Variants in WNT4 observed in about 807,000 individuals in gnomAD.
WNT4 encodes the protein Wnt family member 4, also known as protein Wnt-4.
Under a neutral mutation model 34.5 loss-of-function variants are expected in WNT4, and 16 were observed. The ratio of observed to expected loss-of-function variants is 0.46; its 90% CI spans 0.31 to 0.70. The LOEUF is 0.70. Among genes scored for constraint, WNT4 ranks in the 30% least tolerant of loss-of-function variants. WNT4 has a pLI of 0.04. For synonymous variants in WNT4, 200 were observed against 211.9 expected (o/e 0.94, Z 0.49); for missense variants, 379 against 495.9 (o/e 0.76, Z 2.24).
chr1:22,121,664 C>T lies in WNT4; in HGVS notation c.314-88G>A, dbSNP rs563056609. On this transcript the variant is annotated intron_variant, in intron 2 of 4. Coordinates refer to ENST00000290167, the MANE Select transcript of WNT4 (RefSeq NM_030761.5). ...AGAGGGGGAGGGGCATATGGAGCCT[C>T]CTGCTTGCTGGAGGCCAGGAGGGAG... The T allele has an allele frequency of 8.3e-6, 13 of 1,557,996 alleles. No homozygotes were observed. In the African/African-American group the frequency reaches 1.5e-4, roughly 18 times the overall value.
intron 1 of WNT4, among the ~76,000 whole-genome samples, chr1:22,131,298 C>T (rs746999054): frequency 1.6e-4 from 25 of 152,224 alleles, no homozygotes; most frequent in Non-Finnish European, 2.8e-4. Context: ...GACCAAGTGA[C>T]GGTTCTTGAA....
At position 22,139,853 on chromosome 1, in the gene WNT4, C is replaced by T. The variant is rs1043667383; in HGVS notation, c.77+2993G>A. On this transcript the variant is annotated intron_variant, in intron 1 of 4. Coordinates refer to ENST00000290167, the MANE Select transcript of WNT4 (RefSeq NM_030761.5). The surrounding 1 kb of genome is among the most constrained non-coding windows in gnomAD (Gnocchi z 4.6). ...CTTCCCCCAGGGACTCTTCATCCAT[C>T]GGGCCCTCCCTCAGTGGTGGGAGCC... Among the ~76,000 whole-genome samples the T allele has an allele frequency of 1.3e-5, 2 of 152,310 alleles. No homozygotes were observed. The highest frequency in any genetic ancestry group is 2.1e-4 in the South Asian group (1 of 4,830).
At position 22,121,561 on chromosome 1, in the gene WNT4, G is replaced by C. The variant is rs756520677; in HGVS notation, c.329C>G (p.Ala110Gly). The change falls in exon 3 of 5, where the codon GCC becomes GGC. Residue 110 changes from alanine (A) to glycine (G), a missense_variant. By Grantham distance (60) the Ala-to-Gly change is moderately conservative. Around this residue, in one of 2 missense-constraint regions of WNT4, gnomAD observed 313 missense variants for 445.8 expected, o/e 0.70. Transcript: ENST00000290167. ...TGCCGAAGAGATGGCGTACACGAAG[G>C]CCGCCTCCCGAGTCCCTGTGGGAGG... ...KVVTQGTREA[A>G]FVYAISSAGV... 2 of 1,613,386 alleles carry C rather than the reference G, an allele frequency of 1.2e-6. No homozygotes were observed. Among genetic ancestry groups the C allele is most frequent in the South Asian group, 1.1e-5 (1 of 91,080 alleles).
chr1:22,124,303 CCTT>C (rs1477354534), intron 2 of WNT4, among the ~76,000 whole-genome samples: 2 of 152,214 alleles, frequency 1.3e-5, no homozygotes, highest in African/African-American at 2.4e-5. Flanking sequence ...CTCTACGGTG[CCTT>C]CTTCCGTTTT....
intron 4 of WNT4, 132 bp downstream of exon 4, chr1:22,121,079 G>T (rs1645893912): frequency 6.9e-7 from 1 of 1,449,622 alleles, no homozygotes. Context: ...AACCCCACTG[G>T]CCTACAGAAG....
chr1:22,117,394 G>T lies in WNT4; in HGVS notation c.*2656C>A, dbSNP rs1046310. ...AAAGAGCCTAGTATAAAAATTGGAG[G>T]ATGGGGTGGGGCAGCAGAGTGGGTT... On this transcript the variant is annotated 3_prime_UTR_variant, in exon 5 of 5. Coordinates refer to ENST00000290167, the MANE Select transcript of WNT4 (RefSeq NM_030761.5). 77,542 of 152,100 alleles carry T rather than the reference G, an allele frequency of 0.51. 20,276 individuals are homozygous for T. The highest frequency in any genetic ancestry group is 0.54 in the Non-Finnish European group (36,855 of 67,962). 9.4% of individuals were successfully genotyped at this position (152,100 alleles called of 1,614,324 possible).
intron 1 of WNT4, 119 bp from the exon 2 acceptor site, chr1:22,129,970 C>A (rs1185564596): frequency 7.8e-6 from 9 of 1,159,170 alleles, no homozygotes; most frequent in Non-Finnish European, 1.2e-5. Context: ...CTGGGCCTGG[C>A]TGCCGACTTC....
At chr1:22,120,898 G>C (rs1030731138) in intron 4 of WNT4, among the ~76,000 whole-genome samples, 5 of 152,180 alleles carry the variant, frequency 3.3e-5, no homozygotes, top group African/African-American at 1.2e-4. Context: ...TGGTGATGGA[G>C]AGAAAGGTTC....
At position 22,120,340 on chromosome 1, in the gene WNT4, C is replaced by A. The variant is rs1488839503; in HGVS notation, c.766G>T (p.Val256Leu). ...PRRVGSSRALVPRNAQFKPHT... is the reference protein window; with the variant it reads ...PRRVGSSRALLPRNAQFKPHT... ...GGCTTGAACTGTGCGTTGCGTGGCACCAGTGCCCTGGAGGAGCCCACGCGG... is the reference window on the plus strand; with the variant it reads ...GGCTTGAACTGTGCGTTGCGTGGCAACAGTGCCCTGGAGGAGCCCACGCGG... The change falls in exon 5 of 5, where the codon GTG becomes TTG. Residue 256 changes from valine (V) to leucine (L), a missense_variant. Val to Leu is a conservative substitution (Grantham distance 32, BLOSUM62 1). Coordinates refer to ENST00000290167, the MANE Select transcript of WNT4 (RefSeq NM_030761.5). 6.2e-7 allele frequency: 1 copy of A among 1,614,224 alleles called. No individual in the cohort carries two copies. The highest frequency in any genetic ancestry group is 8.5e-7 in the Non-Finnish European group (1 of 1,180,048).
At position 22,140,211 on chromosome 1, in the gene WNT4, ACAGTGCCAGCCATCATGCCTG is replaced by A. The variant is rs1169997895; in HGVS notation, c.77+2614_77+2634del. On this transcript the variant is annotated intron_variant, in intron 1 of 4. Transcript: ENST00000290167. The surrounding 1 kb of genome is among the most constrained non-coding windows in gnomAD (Gnocchi z 5.9). ...CCTCATACCTCACACTTGAAAAGAC[ACAGTGCCAGCCATCATGCCTG>A]CATGGACACCTGCCTCCCCGAAGCT... 1.7e-5 allele frequency: 17 copies of A among 985,386 alleles called. No individual in the cohort carries two copies. In the East Asian group the frequency reaches 1.8e-3, roughly 105 times the overall value. 61.0% of individuals were successfully genotyped at this position (985,386 alleles called of 1,614,324 possible).
chr1:22,121,646 G>A (rs1402935160), intron 2 of WNT4, 70 bp from the exon 3 acceptor site: 3 of 1,579,806 alleles, frequency 1.9e-6, no homozygotes, highest in African/African-American at 1.3e-5. Flanking sequence ...TGTAGAGGGG[G>A]AGGGGCATAT....
intron 2 of WNT4, among the ~76,000 whole-genome samples, chr1:22,126,004 TC>T (rs1174694608): frequency 5.3e-5 from 8 of 152,246 alleles, no homozygotes; most frequent in African/African-American, 1.9e-4. Flanking sequence ...CAGGTCCTGT[TC>T]TAGGGCTTGG....
Position 22,120,044 on chromosome 1 carries a change from A to G in WNT4, c.*6T>C, listed in dbSNP as rs2124095617. 1 of 1,606,006 alleles carries G rather than the reference A, an allele frequency of 6.2e-7. No homozygotes were observed. Among genetic ancestry groups the G allele is most frequent in the Non-Finnish European group, 8.5e-7 (1 of 1,179,606 alleles). On this transcript the variant is annotated 3_prime_UTR_variant, in exon 5 of 5. Transcript: ENST00000290167. ...GGTGGTTGCCGGCGCAGGGCTAGGC[A>G]GGCGGTCATCGGCACGTGTGCAACT...
At chr1:22,121,727 C>T (rs915186573) in intron 2 of WNT4, 151 bp from the exon 3 acceptor site, 17 of 1,267,540 alleles carry the variant, frequency 1.3e-5, no homozygotes, top group South Asian at 6.8e-5. Flanking sequence ...CACCCCACGG[C>T]GCTTGTTCTT....
At position 22,139,307 on chromosome 1, in the gene WNT4, C is replaced by T. The variant is rs545588827; in HGVS notation, c.77+3539G>A. 2.0e-5 allele frequency among the ~76,000 whole-genome samples: 3 copies of T among 152,342 alleles called. No individual in the cohort carries two copies. The highest frequency in any genetic ancestry group is 7.2e-5 in the African/African-American group (3 of 41,574). ...GCGTGCCTGGCCCAGTGCCAGCTTG[C>T]CACACGCATGGGCTCGCTCTTTCTT... On this transcript the variant is annotated intron_variant, in intron 1 of 4. Transcript: ENST00000290167. The surrounding 1 kb of genome is among the most constrained non-coding windows in gnomAD (Gnocchi z 4.6).
chr1:22,131,107 G>C (rs551820299), intron 1 of WNT4, among the ~76,000 whole-genome samples: 1 of 152,374 alleles, frequency 6.6e-6, no homozygotes, highest in African/African-American at 2.4e-5. Context: ...TCACAGCCTT[G>C]GGCAGAGACA....
intron 2 of WNT4, among the ~76,000 whole-genome samples, chr1:22,127,983 CT>C (rs1645953350): frequency 6.6e-6 from 1 of 152,226 alleles, no homozygotes; most frequent in Admixed American, 6.5e-5. Context: ...TACACACCTA[CT>C]GTGTCCAAGG....
chr1:22,135,811 G>A (rs1646017395), intron 1 of WNT4, among the ~76,000 whole-genome samples: 1 of 152,164 alleles, frequency 6.6e-6, no homozygotes, highest in Non-Finnish European at 1.5e-5. Context: ...GGCCTCAGGT[G>A]CATTTCCTCA....
At chr1:22,120,904 G>T (rs1022896049) in intron 4 of WNT4, among the ~76,000 whole-genome samples, 8 of 152,154 alleles carry the variant, frequency 5.3e-5, no homozygotes, top group African/African-American at 1.7e-4. Flanking sequence ...TGGAGAGAAA[G>T]GTTCACATCT....
Sources: gnomAD v4.1 joint callset for allele counts (sites outside exome capture counted in the v4.1 genomes callset) on GRCh38, gnomAD v4.1.1 for gene constraint, gnomAD v4.1.1 regional missense constraint, Gnocchi (gnomAD v3.1) non-coding constraint, MANE v1.5 for transcripts, NCBI Gene and HGNC (gene_info 2026-07-23, HGNC 2026-07-21) for gene names.